UNC79: variants seen among roughly 807,000 people sequenced by gnomAD.
UNC79 encodes the protein unc-79 subunit of NALCN channel complex.
A neutral mutation model predicts 283.1 loss-of-function variants in UNC79; 37 were observed. That is an observed-to-expected ratio of 0.13 (90% CI 0.10 to 0.17). The LOEUF is 0.17. Ranked by LOEUF, UNC79 falls within the 10% of genes least tolerant of loss-of-function variation. The probability of loss-of-function intolerance (pLI) is 1.00; values close to 1 mark genes in which losing one functional copy is unlikely to be tolerated. For synonymous variants in UNC79, 1,107 were observed against 1,200.2 expected (o/e 0.92, Z 1.61); for missense variants, 2,272 against 3,211.1 (o/e 0.71, Z 7.07).
rs76844183 is a variant in UNC79 at position 93,448,753 on chromosome 14, A to G, written c.22+17702A>G. On this transcript the variant is annotated intron_variant, in intron 1 of 48. Transcript: ENST00000555664. ...TACTTTGTTCAGATCTTTTGTCTTTAGCTGGGCTGATTTGGGTCTATTTTG... is the reference window on the plus strand; with the variant it reads ...TACTTTGTTCAGATCTTTTGTCTTTGGCTGGGCTGATTTGGGTCTATTTTG... Among the ~76,000 whole-genome samples, 6 of 152,248 alleles carry G rather than the reference A, an allele frequency of 3.9e-5. No homozygotes were observed. The East Asian group carries it at 1.2e-3, about 29-fold the overall frequency.
chr14:93,413,120 TGTGCTGCACCC>T (rs1428081648), intron 1 of UNC79, among the ~76,000 whole-genome samples: 1 of 151,912 alleles, frequency 6.6e-6, no homozygotes, highest in African/African-American at 2.4e-5. Context: ...GCCATGCTGG[TGTGCTGCACCC>T]GTTAACTCAT....
chr14:93,648,278 AAAAT>A, intron 35 of UNC79, among the ~76,000 whole-genome samples: 1 of 152,222 alleles, frequency 6.6e-6, no homozygotes, highest in Non-Finnish European at 1.5e-5. Flanking sequence ...CTTACACAAT[AAAAT>A]AAATCTTTTT....
In UNC79 at chr14:93,451,084, T is replaced by C. The variant is rs150444805; in HGVS notation, c.23-16587T>C. On this transcript the variant is annotated intron_variant, in intron 1 of 48. Transcript: ENST00000555664. ...CAGCACAACAGCGTTCATTTATAGG[T>C]AGAGTATCTTATCTTTCTGATATTA... 2.6e-5 allele frequency among the ~76,000 whole-genome samples: 4 copies of C among 152,162 alleles called. No individual in the cohort carries two copies. The East Asian group carries it at 7.7e-4, about 29-fold the overall frequency.
intron 7 of UNC79, among the ~76,000 whole-genome samples, chr14:93,520,690 T>C (rs1328110059): frequency 6.6e-6 from 1 of 152,014 alleles, no homozygotes; most frequent in Non-Finnish European, 1.5e-5. Context: ...TTCTGCATTG[T>C]CTATTCTTCT....
At chr14:93,598,557 T>A (rs924552017) in intron 24 of UNC79, among the ~76,000 whole-genome samples, 9 of 152,232 alleles carry the variant, frequency 5.9e-5, no homozygotes, top group African/African-American at 2.2e-4. Context: ...AGTCTCATTT[T>A]CTTGCCCAGG....
At chr14:93,555,384 T>A (rs1244054235) in intron 14 of UNC79, among the ~76,000 whole-genome samples, 1 of 152,018 alleles carries the variant, frequency 6.6e-6, no homozygotes, top group Non-Finnish European at 1.5e-5. Context: ...CATTTGCCAG[T>A]TTTTAAGATT....
intron 1 of UNC79, among the ~76,000 whole-genome samples, chr14:93,368,835 T>G (rs1169444104): frequency 6.6e-6 from 1 of 152,184 alleles, no homozygotes; most frequent in African/African-American, 2.4e-5. Flanking sequence ...ATAGTATACC[T>G]TAGCAAATAT....
intron 1 of UNC79, among the ~76,000 whole-genome samples, chr14:93,357,546 C>T (rs1209057246): frequency 6.6e-6 from 1 of 151,366 alleles, no homozygotes; most frequent in East Asian, 1.9e-4. Context: ...ACTGGATGCT[C>T]CTGCCCTTAA....
intron 1 of UNC79, among the ~76,000 whole-genome samples, chr14:93,379,509 C>A (rs1357366581): frequency 2.0e-5 from 3 of 152,116 alleles, no homozygotes; most frequent in East Asian, 1.9e-4. Context: ...TTATCATACA[C>A]CTCGTTTGGT....
At chr14:93,449,619 A>G (rs1460701840) in intron 1 of UNC79, among the ~76,000 whole-genome samples, 1 of 142,508 alleles carries the variant, frequency 7.0e-6, no homozygotes, top group Admixed American at 7.0e-5. Flanking sequence ...CCTTGTCTCT[A>G]AAAAAAAAAA....
At chr14:93,426,082 G>A (rs1309612275), upstream of UNC79, among the ~76,000 whole-genome samples, 1 of 151,986 alleles carries the variant, frequency 6.6e-6, no homozygotes, top group Non-Finnish European at 1.5e-5. Flanking sequence ...ACTTTTTTGT[G>A]TGTGCCAAAT....
intron 18 of UNC79, among the ~76,000 whole-genome samples, chr14:93,579,801 C>A (rs1475149383): frequency 6.6e-6 from 1 of 152,148 alleles, no homozygotes; most frequent in Non-Finnish European, 1.5e-5. Context: ...TATTTAGAAA[C>A]CAAGATCTGG....
intron 1 of UNC79, among the ~76,000 whole-genome samples, chr14:93,357,669 A>C (rs1376197565): frequency 8.5e-6 from 1 of 117,156 alleles, no homozygotes; most frequent in Non-Finnish European, 1.8e-5. Context: ...ACTACTTAAT[A>C]AACTCCCATA....
exon 30 of UNC79, chr14:93,622,028 C>T: frequency 6.2e-7 from 1 of 1,613,994 alleles, no homozygotes; most frequent in Non-Finnish European, 8.5e-7. Context: ...GCCGGTAAAG[C>T]CTGCTCCTAA....
At chr14:93,404,493 A>AAAAAAATATATATATATATAT in intron 1 of UNC79, among the ~76,000 whole-genome samples, 45 of 61,478 alleles carry the variant, frequency 7.3e-4, no homozygotes, top group East Asian at 1.9e-3. Context: ...TTCTAAAAAA[A>AAAAAAATATATATATATATAT]ATATATATAT....
intron 43 of UNC79, among the ~76,000 whole-genome samples, chr14:93,687,570 A>G (rs2074342603): frequency 1.3e-5 from 2 of 152,218 alleles, no homozygotes; most frequent in Non-Finnish European, 2.9e-5. Flanking sequence ...TCCCTTAATC[A>G]CTGAACTGTT....
chr14:93,519,646 C>T (rs1357033526), intron 7 of UNC79, among the ~76,000 whole-genome samples: 1 of 151,154 alleles, frequency 6.6e-6, no homozygotes, highest in Non-Finnish European at 1.5e-5. Flanking sequence ...TTTTTGATAT[C>T]TTGCCTTTTT....
intron 7 of UNC79, among the ~76,000 whole-genome samples, chr14:93,521,763 C>A (rs1567045037): frequency 6.7e-6 from 1 of 148,250 alleles, no homozygotes; most frequent in Non-Finnish European, 1.5e-5. Context: ...TTTATGCTAT[C>A]TTTTTTGTTA....
At chr14:93,615,651 G>C (rs1207860217) in intron 27 of UNC79, among the ~76,000 whole-genome samples, 1 of 146,622 alleles carries the variant, frequency 6.8e-6, no homozygotes, top group Non-Finnish European at 1.5e-5. Context: ...GAACCTGGGA[G>C]GTAGAGTTGC....
Sources: gnomAD v4.1 joint callset for allele counts (sites outside exome capture counted in the v4.1 genomes callset) on GRCh38, gnomAD v4.1.1 for gene constraint, MANE v1.5 for transcripts, NCBI Gene and HGNC (gene_info 2026-07-23, HGNC 2026-07-21) for gene names.